Variants in TPTE2 observed in about 807,000 individuals in gnomAD.
The protein encoded by TPTE2 is transmembrane phosphoinositide 3-phosphatase and tensin homolog 2, also known as phosphatidylinositol 3,4,5-trisphosphate 3-phosphatase TPTE2.
A neutral mutation model predicts 78.6 loss-of-function variants in TPTE2; 53 were observed. The observed-to-expected ratio is 0.67, with a 90% CI of 0.54 to 0.85. TPTE2 has a LOEUF of 0.85. Among genes scored for constraint, TPTE2 ranks in the 40% least tolerant of loss-of-function variants. The pLI is 0.00. For missense variants in TPTE2, 461 were observed against 623.0 expected (o/e 0.74, Z 2.77); for synonymous variants, 175 against 206.2 (o/e 0.85, Z 1.30).
chr13:19,438,933 GGA>G (rs1877300914), intron 13 of TPTE2, among the ~76,000 whole-genome samples: 1 of 152,182 alleles, frequency 6.6e-6, no homozygotes, highest in Admixed American at 6.5e-5. Context: ...CCTTTCCACT[GGA>G]GATCCACGCA....
the TPTE2 span, among the ~76,000 whole-genome samples, chr13:19,545,125 T>G: frequency 1.3e-5 from 2 of 150,856 alleles, no homozygotes; most frequent in Admixed American, 6.6e-5. Flanking sequence ...GAGATGGGAG[T>G]AAAACTGTAA....
intron 14 of TPTE2, among the ~76,000 whole-genome samples, chr13:19,437,089 A>G (rs1223526155): frequency 6.6e-6 from 1 of 151,556 alleles, no homozygotes; most frequent in East Asian, 1.9e-4. Context: ...AAACCTTTTG[A>G]TATTTTCTAT....
intron 13 of TPTE2, among the ~76,000 whole-genome samples, chr13:19,444,617 G>T (rs939009223): frequency 6.6e-6 from 1 of 152,074 alleles, no homozygotes; most frequent in African/African-American, 2.4e-5. Flanking sequence ...ATATTGTAAA[G>T]ATTCAATTCT....
At chr13:19,436,845 A>G (rs987841048) in intron 14 of TPTE2, among the ~76,000 whole-genome samples, 7 of 152,188 alleles carry the variant, frequency 4.6e-5, no homozygotes, top group Admixed American at 1.3e-4. Flanking sequence ...CCTTCTTTCC[A>G]TATTACAAAT....
chr13:19,486,351 G>A lies in TPTE2; in HGVS notation c.120-3804C>T, dbSNP rs777181745. On this transcript the variant is annotated intron_variant, in intron 3 of 19. Coordinates refer to ENST00000400230, the Ensembl canonical transcript of TPTE2. The surrounding 1 kb of genome is among the most constrained non-coding windows in gnomAD (Gnocchi z 4.3). Reference sequence around the variant, plus strand: ...TTTGTGGTGATGGTGGTGCAGCCTTGCCAGGGGTGGGCTCACTGGGCTGTT... The same window carrying A: ...TTTGTGGTGATGGTGGTGCAGCCTTACCAGGGGTGGGCTCACTGGGCTGTT... Among the ~76,000 whole-genome samples the A allele has an allele frequency of 4.4e-4, 67 of 152,304 alleles. No homozygotes were observed. The highest frequency in any genetic ancestry group is 5.7e-4 in the Non-Finnish European group (39 of 68,028).
chr13:19,544,060 C>CAAAAAAAAAAAAAAA, the TPTE2 span, among the ~76,000 whole-genome samples: 9 of 31,986 alleles, frequency 2.8e-4, no homozygotes, highest in Non-Finnish European at 3.1e-4. Context: ...GAACCTGTCT[C>CAAAAAAAAAAAAAAA]AAAAAAAAAA....
upstream of TPTE2, among the ~76,000 whole-genome samples, chr13:19,503,554 G>A (rs969549299): frequency 6.9e-6 from 1 of 144,350 alleles, no homozygotes; most frequent in Non-Finnish European, 1.5e-5. Context: ...AGCCTTTGTG[G>A]TGGCAGTTAT....
At chr13:19,473,785 G>A (rs1468693868) in intron 6 of TPTE2, 129 bp downstream of exon 9, 12 of 762,462 alleles carry the variant, frequency 1.6e-5, no homozygotes, top group South Asian at 1.4e-4. Context: ...TAATAGAGAC[G>A]GGGTTTCACC....
chr13:19,424,947 CT>C lies in TPTE2; in HGVS notation c.1465del (p.Arg489GlyfsTer38), dbSNP rs758067487. 4 of 1,483,470 alleles carry C rather than the reference CT, an allele frequency of 2.7e-6. No homozygotes were observed. Among genetic ancestry groups the C allele is most frequent in the Admixed American group, 1.9e-5 (1 of 51,700 alleles). 91.9% of individuals were successfully genotyped at this position (1,483,470 alleles called of 1,614,324 possible). A position where few individuals can be genotyped will look rare whatever the true frequency, so the allele number is the denominator to read the frequency against. ...CTATGGGTTTCTATTATATTCATAC[CT>C]GTTATTTTGAATAAAAGACGTGTTG... is the stretch of plus-strand genomic sequence containing the variant. On this transcript the variant is annotated frameshift_variant and splice_region_variant, in exon 19 of 20. Transcript: ENST00000400230. LOFTEE classifies it low-confidence loss of function (END_TRUNC).
At chr13:19,514,281 T>C (rs1174509374) in intron 1 of TPTE2, among the ~76,000 whole-genome samples, 3 of 152,152 alleles carry the variant, frequency 2.0e-5, no homozygotes, top group Non-Finnish European at 4.4e-5. Flanking sequence ...TCAAAAACAA[T>C]GTTACCAAAG....
rs1233272143 is a variant in TPTE2, at chr13:19,491,148, A to G, written c.119+1702T>C. Among the ~76,000 whole-genome samples, 3 of 152,192 alleles carry G rather than the reference A, an allele frequency of 2.0e-5. No individual in the cohort carries two copies. The South Asian group carries it at 6.2e-4, about 32-fold the overall frequency. ...ATCTGAATCTCTCCTTTCTACATGTATACTTTTGTGTGTGTCTATGTGTGT... is the reference window on the plus strand; with the variant it reads ...ATCTGAATCTCTCCTTTCTACATGTGTACTTTTGTGTGTGTCTATGTGTGT... On this transcript the variant is annotated intron_variant, in intron 3 of 19. Coordinates refer to ENST00000400230, the Ensembl canonical transcript of TPTE2.
the TPTE2 span, among the ~76,000 whole-genome samples, chr13:19,550,604 A>G: frequency 3.9e-5 from 6 of 152,288 alleles, no homozygotes; most frequent in East Asian, 9.7e-4. Context: ...CCTCACACCA[A>G]TCTCATATAA....
At chr13:19,505,613 A>G (rs1384828050), upstream of TPTE2, 2 of 152,074 alleles carry the variant, frequency 1.3e-5, no homozygotes, top group African/African-American at 4.8e-5. Flanking sequence ...AGAACTCCCT[A>G]CAAAATGATT....
At chr13:19,491,108 C>T (rs1880963536) in intron 3 of TPTE2, among the ~76,000 whole-genome samples, 1 of 152,200 alleles carries the variant, frequency 6.6e-6, no homozygotes, top group Non-Finnish European at 1.5e-5. Flanking sequence ...ATGCTCCATA[C>T]AATGAACTTC....
the TPTE2 span, among the ~76,000 whole-genome samples, chr13:19,557,480 A>AG: frequency 3.9e-5 from 6 of 152,200 alleles, no homozygotes; most frequent in Non-Finnish European, 4.4e-5. Flanking sequence ...TCGTGCACAC[A>AG]GAGTAGGCAA....
At chr13:19,493,365 A>ATG in intron 2 of TPTE2, 83 bp downstream of exon 5, 1 of 1,268,012 alleles carries the variant, frequency 7.9e-7, no homozygotes, top group Admixed American at 1.7e-5. Context: ...GGATGGATAT[A>ATG]TTTGCTCATA....
intron 13 of TPTE2, among the ~76,000 whole-genome samples, chr13:19,443,389 C>T (rs1198478328): frequency 1.8e-5 from 2 of 114,000 alleles, no homozygotes; most frequent in African/African-American, 2.8e-5. Flanking sequence ...TTTTTTCTTT[C>T]TTTCTTTCTT....
rs9579173 is a variant in TPTE2 at position 19,425,678 on chromosome 13, T to G, written c.1396-661A>C. On this transcript the variant is annotated intron_variant, in intron 18 of 19. Coordinates refer to ENST00000400230, the Ensembl canonical transcript of TPTE2. ...GCGTTAAACCAAATTAGACTTCCCC[T>G]CAGGAAACCTGCTCAGGTAGCACCT... is the stretch of plus-strand genomic sequence containing the variant. The G allele has an allele frequency of 2.1e-3, 1,033 of 501,838 alleles. 3 individuals carry two copies. The highest frequency in any genetic ancestry group is 7.7e-3 in the Middle Eastern group (11 of 1,428). The allele number at this position is 501,838 out of a possible 1,614,324, so 31.1% of individuals were successfully genotyped here. A position where few individuals can be genotyped will look rare whatever the true frequency, so the allele number is the denominator to read the frequency against.
intron 4 of TPTE2, among the ~76,000 whole-genome samples, chr13:19,476,396 T>C (rs1458118602): frequency 6.7e-6 from 1 of 149,686 alleles, no homozygotes; most frequent in African/African-American, 2.5e-5. Context: ...GTAGGAGAAG[T>C]CTTCAGGAAG....
Sources: gnomAD v4.1 joint callset for allele counts (sites outside exome capture counted in the v4.1 genomes callset) on GRCh38, gnomAD v4.1.1 for gene constraint, Gnocchi (gnomAD v3.1) non-coding constraint, MANE v1.5 for transcripts, NCBI Gene and HGNC (gene_info 2026-07-23, HGNC 2026-07-21) for gene names.